The following DCDC2 variants were observed in gnomAD, a reference collection of about 807,000 sequenced individuals.
DCDC2 encodes doublecortin domain containing 2.
In DCDC2, 40 loss-of-function variants were observed where a neutral mutation model predicts 50.2. That is an observed-to-expected ratio of 0.80 (90% CI 0.62 to 1.04). DCDC2 has a LOEUF of 1.04. DCDC2 is among the 50% of genes least tolerant of loss of function. The pLI, the probability that DCDC2 is intolerant of heterozygous loss-of-function variation, is 0.00. For missense variants in DCDC2, 570 were observed against 581.9 expected (o/e 0.98, Z 0.21); for synonymous variants, 234 against 210.6 (o/e 1.11, Z -0.96).
intron 7 of DCDC2, among the ~76,000 whole-genome samples, chr6:24,257,461 T>C (rs1762917732): frequency 6.6e-6 from 1 of 152,154 alleles, no homozygotes; most frequent in South Asian, 2.1e-4. Flanking sequence ...ACACCTGCTG[T>C]TGTAATACAC....
At chr6:24,282,929 T>C (rs1763509735) in intron 6 of DCDC2, among the ~76,000 whole-genome samples, 1 of 152,198 alleles carries the variant, frequency 6.6e-6, no homozygotes, top group Non-Finnish European at 1.5e-5. Flanking sequence ...TTAATATGTG[T>C]ATAACTTGCT....
intron 2 of DCDC2, among the ~76,000 whole-genome samples, chr6:24,312,906 G>A (rs1759598356): frequency 6.6e-6 from 1 of 152,078 alleles, no homozygotes; most frequent in African/African-American, 2.4e-5. Flanking sequence ...TGACCCAGAA[G>A]ATAAGATACC....
chr6:24,265,565 C>CT (rs1389462903), intron 7 of DCDC2, among the ~76,000 whole-genome samples: 1 of 152,086 alleles, frequency 6.6e-6, no homozygotes, highest in East Asian at 1.9e-4. Context: ...TATCAAGTAT[C>CT]TTCTCTGACA....
At chr6:24,381,252 A>C in the DCDC2 span, among the ~76,000 whole-genome samples, 1 of 152,186 alleles carries the variant, frequency 6.6e-6, no homozygotes, top group Non-Finnish European at 1.5e-5. Flanking sequence ...GAGAACACTT[A>C]ATGTCTATTG....
chr6:24,235,665 C>G (rs1158960030), intron 7 of DCDC2, among the ~76,000 whole-genome samples: 1 of 152,110 alleles, frequency 6.6e-6, no homozygotes, highest in East Asian at 1.9e-4. Flanking sequence ...TAACTAGCGC[C>G]ATTTATGACA....
intron 7 of DCDC2, among the ~76,000 whole-genome samples, chr6:24,276,861 GAA>G (rs200004597): frequency 6.9e-6 from 1 of 145,340 alleles, no homozygotes; most frequent in East Asian, 2.0e-4. Flanking sequence ...TAGAGCTAAA[GAA>G]AAAAAAAAAG....
chr6:24,212,399 C>G (rs1348441972), intron 7 of DCDC2, among the ~76,000 whole-genome samples: 4 of 152,134 alleles, frequency 2.6e-5, no homozygotes, highest in African/African-American at 9.7e-5. Context: ...TCAGAAAACC[C>G]TCCTTTGAGC....
intron 7 of DCDC2, among the ~76,000 whole-genome samples, chr6:24,224,833 A>C (rs1762194215): frequency 6.6e-6 from 1 of 152,150 alleles, no homozygotes; most frequent in Non-Finnish European, 1.5e-5. Flanking sequence ...CAGACTGATT[A>C]ACTCCTCTAC....
intron 7 of DCDC2, among the ~76,000 whole-genome samples, chr6:24,268,180 G>A (rs1056966727): frequency 1.3e-5 from 2 of 152,136 alleles, no homozygotes; most frequent in Non-Finnish European, 2.9e-5. Flanking sequence ...ATTACCAGAA[G>A]CATATATTAA....
chr6:24,317,010 G>A (rs1319814099), intron 2 of DCDC2, among the ~76,000 whole-genome samples: 2 of 150,466 alleles, frequency 1.3e-5, no homozygotes, highest in South Asian at 2.1e-4. Flanking sequence ...GAGAGAGAGA[G>A]ACAAATTTGA....
chr6:24,235,519 C>T (rs1328823569), intron 7 of DCDC2, among the ~76,000 whole-genome samples: 2 of 152,046 alleles, frequency 1.3e-5, no homozygotes, highest in Admixed American at 6.6e-5. Flanking sequence ...ATATGATGTA[C>T]CACATAAACA....
chr6:24,203,881 GA>G (rs1276025544), intron 8 of DCDC2, among the ~76,000 whole-genome samples: 2 of 152,066 alleles, frequency 1.3e-5, no homozygotes, highest in African/African-American at 2.4e-5. Flanking sequence ...ACAAACATAA[GA>G]AAAAACGCTC....
intron 6 of DCDC2, among the ~76,000 whole-genome samples, chr6:24,285,064 A>G (rs746526656): frequency 9.2e-5 from 14 of 152,018 alleles, no homozygotes; most frequent in Non-Finnish European, 1.9e-4. Context: ...GCACACACAC[A>G]CACTAGAATG....
intron 2 of DCDC2, among the ~76,000 whole-genome samples, chr6:24,337,027 T>C (rs1295422213): frequency 6.6e-6 from 1 of 152,200 alleles, no homozygotes; most frequent in Non-Finnish European, 1.5e-5. Flanking sequence ...AAGTAGCTTG[T>C]CTCCAACACA....
chr6:24,291,477 C>CTTT (rs71002483), intron 4 of DCDC2, among the ~76,000 whole-genome samples: 1 of 86,578 alleles, frequency 1.2e-5, no homozygotes, highest in Non-Finnish European at 2.1e-5. Flanking sequence ...TTTGTTAATA[C>CTTT]TTTTTTTTTT....
At position 24,173,625 on chromosome 6, in the gene DCDC2, T is replaced by C. The variant is rs1581565706; in HGVS notation, c.*1105A>G. The C allele has an allele frequency of 6.6e-6, 1 of 152,186 alleles. No individual in the cohort carries two copies. The highest frequency in any genetic ancestry group is 1.5e-5 in the Non-Finnish European group (1 of 68,030). 9.4% of individuals were successfully genotyped at this position (152,186 alleles called of 1,614,324 possible). ...TGTGATTCAGGAATTGGTTTCATTA[T>C]AATAACTTCTAAAGTTTTACAATTT... is the stretch of plus-strand genomic sequence containing the variant. On this transcript the variant is annotated 3_prime_UTR_variant, in exon 10 of 10. Coordinates refer to ENST00000378454, the MANE Select transcript of DCDC2 (RefSeq NM_016356.5).
chr6:24,288,129 T>C (rs1462352730), intron 6 of DCDC2, among the ~76,000 whole-genome samples: 2 of 152,204 alleles, frequency 1.3e-5, no homozygotes, highest in African/African-American at 4.8e-5. Flanking sequence ...AAAATAAGAA[T>C]GTTGCTTAAT....
At chr6:24,198,496 G>C (rs1415315667) in intron 8 of DCDC2, among the ~76,000 whole-genome samples, 2 of 152,212 alleles carry the variant, frequency 1.3e-5, no homozygotes, top group Non-Finnish European at 2.9e-5. Flanking sequence ...TTTCCCCACA[G>C]TCTTTGTGAC....
chr6:24,238,122 A>AGGAAGGAAAGGAGGGAGGG (rs1762488434), intron 7 of DCDC2, among the ~76,000 whole-genome samples: 1 of 10,912 alleles, frequency 9.2e-5, no homozygotes, highest in Non-Finnish European at 2.1e-4. Context: ...GGGGAAAGGG[A>AGGAAGGAAAGGAGGGAGGG]AGGGAGGAAA....
Sources: allele counts gnomAD v4.1 joint callset (sites outside exome capture counted in the v4.1 genomes callset), GRCh38; gene constraint gnomAD v4.1.1; transcripts MANE v1.5; gene names NCBI Gene and HGNC (gene_info 2026-07-23, HGNC 2026-07-21).